Variants in TNNI3K observed in about 807,000 individuals in gnomAD.
TNNI3K encodes the protein serine/threonine-protein kinase TNNI3K.
TNNI3K carries 140 observed loss-of-function variants against 114.5 expected under a neutral mutation model. That is an observed-to-expected ratio of 1.22 (90% CI 1.07 to 1.41). TNNI3K has a LOEUF of 1.41. TNNI3K is among the 40% of genes most tolerant of loss of function. TNNI3K has a pLI of 0.00. For synonymous variants in TNNI3K, 347 were observed against 347.5 expected, an observed-to-expected ratio of 1.00 and a Z score of 0.02; for missense variants, 1,125 against 1,007.6, an observed-to-expected ratio of 1.12 and a Z score of -1.58.
chr1:74,416,034 C>T (rs1345032889), intron 17 of TNNI3K, among the ~76,000 whole-genome samples: 1 of 152,124 alleles, frequency 6.6e-6, no homozygotes, highest in Non-Finnish European at 1.5e-5. Context: ...CAGTCTGAGA[C>T]TGATCCCAGG....
At chr1:74,532,369 A>G (rs1413091355) in intron 23 of TNNI3K, among the ~76,000 whole-genome samples, 1 of 152,218 alleles carries the variant, frequency 6.6e-6, no homozygotes, top group Non-Finnish European at 1.5e-5. Flanking sequence ...CAAATAATCC[A>G]AAACCCTTTA....
intron 7 of TNNI3K, among the ~76,000 whole-genome samples, chr1:74,339,532 CAAAG>C (rs1660648318): frequency 6.6e-6 from 1 of 152,042 alleles, no homozygotes; most frequent in South Asian, 2.1e-4. Flanking sequence ...TAAATGACCC[CAAAG>C]AGAGTACAAT....
chr1:74,359,772 G>A (rs1661856898), intron 11 of TNNI3K, among the ~76,000 whole-genome samples: 1 of 152,004 alleles, frequency 6.6e-6, no homozygotes, highest in South Asian at 2.1e-4. Context: ...CAAAGAATTT[G>A]TGATCATATT....
intron 5 of TNNI3K, among the ~76,000 whole-genome samples, chr1:74,281,871 G>A (rs889150306): frequency 1.3e-5 from 2 of 151,932 alleles, no homozygotes; most frequent in Non-Finnish European, 2.9e-5. Flanking sequence ...TCCAATATAT[G>A]GTGATAATTT....
chr1:74,432,355 A>C (rs987855626), intron 17 of TNNI3K, among the ~76,000 whole-genome samples: 9 of 152,100 alleles, frequency 5.9e-5, no homozygotes, highest in African/African-American at 1.9e-4. Context: ...CTTTCTCTCA[A>C]GATTTTATAG....
At chr1:74,356,006 A>G (rs1340294741) in intron 11 of TNNI3K, among the ~76,000 whole-genome samples, 1 of 152,200 alleles carries the variant, frequency 6.6e-6, no homozygotes, top group Non-Finnish European at 1.5e-5. Context: ...ACTGAACATA[A>G]CAAGTCCCCT....
rs139352875 is a variant in TNNI3K, at chr1:74,314,160, A to G, written c.445-17290A>G. Among the ~76,000 whole-genome samples, 48 of 148,082 alleles carry G rather than the reference A, an allele frequency of 3.2e-4. No homozygotes were observed. In the East Asian group the frequency reaches 8.6e-3, roughly 27 times the overall value. On this transcript the variant is annotated intron_variant, in intron 5 of 24. Transcript: ENST00000326637. The stretch of plus-strand genomic sequence containing the variant: ...CTTATTCACAGTATTCCCCATATAT[A>G]TATAAATATATATATATTTAACTTT...
chr1:74,488,840 A>G (rs574193483), intron 21 of TNNI3K, among the ~76,000 whole-genome samples: 1 of 152,326 alleles, frequency 6.6e-6, no homozygotes, highest in South Asian at 2.1e-4. Context: ...GTGTATTACA[A>G]GGCACTGAGA....
At chr1:74,434,600 T>C (rs79445201) in intron 17 of TNNI3K, among the ~76,000 whole-genome samples, 2,055 of 151,922 alleles carry the variant, frequency 0.014, 43 homozygotes, top group African/African-American at 0.045. Flanking sequence ...GCAATTTTCT[T>C]ATTGCATTTG....
At chr1:74,405,259 G>A (rs535288969) in intron 17 of TNNI3K, among the ~76,000 whole-genome samples, 1 of 152,230 alleles carries the variant, frequency 6.6e-6, no homozygotes, top group Admixed American at 6.5e-5. Flanking sequence ...GAGAGCTTAG[G>A]TATCTCAGTG....
chr1:74,246,357 G>A (rs1404173309), intron 2 of TNNI3K, among the ~76,000 whole-genome samples: 5 of 152,242 alleles, frequency 3.3e-5, no homozygotes, highest in Non-Finnish European at 4.4e-5. Flanking sequence ...ACTTCAAATA[G>A]TAGAGGTATT....
At chr1:74,424,718 C>CAA (rs71588833) in intron 17 of TNNI3K, among the ~76,000 whole-genome samples, 45,050 of 113,340 alleles carry the variant, frequency 0.4, 10,119 homozygotes, top group East Asian at 0.68. Flanking sequence ...GAGTCCATCT[C>CAA]AAAAAAAAAA....
intron 23 of TNNI3K, among the ~76,000 whole-genome samples, chr1:74,534,124 T>C (rs1263803184): frequency 1.3e-5 from 2 of 152,202 alleles, no homozygotes; most frequent in African/African-American, 2.4e-5. Flanking sequence ...TAAAGCCTTC[T>C]GCAAGTATAA....
chr1:74,480,644 A>G, intron 21 of TNNI3K: 1 of 717,302 alleles, frequency 1.4e-6, no homozygotes, highest in South Asian at 1.5e-5. Context: ...ATTCCCATCC[A>G]GCTGGAGCCG....
intron 2 of TNNI3K, among the ~76,000 whole-genome samples, chr1:74,242,484 T>C (rs1196808674): frequency 1.3e-5 from 2 of 152,206 alleles, no homozygotes; most frequent in African/African-American, 4.8e-5. Flanking sequence ...AATTTGGCTA[T>C]TATAAGATGA....
chr1:74,535,118 A>G (rs1646643997), intron 23 of TNNI3K, among the ~76,000 whole-genome samples: 3 of 152,180 alleles, frequency 2.0e-5, no homozygotes, highest in Admixed American at 2.0e-4. Flanking sequence ...AGGACTGTGT[A>G]ATTTCACTCT....
At chr1:74,492,507 T>G (rs1669133272) in intron 23 of TNNI3K, among the ~76,000 whole-genome samples, 1 of 152,160 alleles carries the variant, frequency 6.6e-6, no homozygotes, top group South Asian at 2.1e-4. Flanking sequence ...ACACGTCTAT[T>G]TCAGAGCAAC....
intron 5 of TNNI3K, among the ~76,000 whole-genome samples, chr1:74,301,895 A>G (rs475929): frequency 0.019 from 2,923 of 152,330 alleles, 95 homozygotes; most frequent in African/African-American, 0.066. Flanking sequence ...TGACTTCTAA[A>G]TGACTATGTG....
chr1:74,334,401 G>T (rs17095150), intron 6 of TNNI3K, among the ~76,000 whole-genome samples: 8,615 of 152,154 alleles, frequency 0.057, 826 homozygotes, highest in African/African-American at 0.2. Flanking sequence ...ATTCACTTTT[G>T]TGCTGACACT....
Sources: allele counts gnomAD v4.1 joint callset (sites outside exome capture counted in the v4.1 genomes callset), GRCh38; gene constraint gnomAD v4.1.1; transcripts MANE v1.5; gene names NCBI Gene and HGNC (gene_info 2026-07-23, HGNC 2026-07-21).